Variants in MAP3K4 observed in about 807,000 individuals in gnomAD.
The protein encoded by MAP3K4 is mitogen-activated protein kinase kinase kinase 4.
A neutral mutation model predicts 185.6 loss-of-function variants in MAP3K4; 67 were observed. The ratio of observed to expected loss-of-function variants is 0.36; its 90% CI spans 0.30 to 0.44. The LOEUF (loss-of-function observed/expected upper bound fraction) is 0.44. Among genes scored for constraint, MAP3K4 ranks in the 20% least tolerant of loss-of-function variants. The pLI, the probability that MAP3K4 is intolerant of heterozygous loss-of-function variation, is 1.00. For missense variants in MAP3K4, 1,551 were observed against 1,995.1 expected (o/e 0.78, Z 4.24); for synonymous variants, 702 against 710.4 (o/e 0.99, Z 0.19).
At chr6:161,078,763 G>C (rs535146369) in intron 5 of MAP3K4, among the ~76,000 whole-genome samples, 1 of 152,190 alleles carries the variant, frequency 6.6e-6, no homozygotes, top group Non-Finnish European at 1.5e-5. Context: ...GGCCGAGCCC[G>C]AGATGGAGGA....
chr6:161,079,299 C>T lies in MAP3K4; in HGVS notation c.2098-1582C>T, dbSNP rs116471562. 7.8e-3 allele frequency among the ~76,000 whole-genome samples: 1,174 copies of T among 150,786 alleles called. 14 individuals carry two copies. The highest frequency in any genetic ancestry group is 0.027 in the African/African-American group (1,096 of 41,040). On this transcript the variant is annotated intron_variant, in intron 5 of 26. Coordinates refer to ENST00000392142, the MANE Select transcript of MAP3K4 (RefSeq NM_005922.4). ...GTGCATAGAAAGACAGAGAGTTGGC[C>T]GGACGCAGTGGTTCACGCCTGTAAT...
Position 161,037,579 on chromosome 6 carries a change from C to T in MAP3K4, c.343+3130C>T, listed in dbSNP as rs137867175. ...GACTACAGGCATGCGCCACCATGCC[C>T]GACTAATTTTGTATTTTTGGTAGAG... On this transcript the variant is annotated intron_variant, in intron 2 of 26. Coordinates refer to ENST00000392142, the MANE Select transcript of MAP3K4 (RefSeq NM_005922.4). The surrounding 1 kb of genome is among the most constrained non-coding windows in gnomAD (Gnocchi z 4.2). Among the ~76,000 whole-genome samples the T allele has an allele frequency of 0.034, 5,211 of 152,100 alleles. 298 individuals are homozygous for T. Among genetic ancestry groups the T allele is most frequent in the African/African-American group, 0.12 (4,948 of 41,476 alleles).
intron 1 of MAP3K4, among the ~76,000 whole-genome samples, chr6:161,016,034 A>C (rs1033002967): frequency 2.0e-5 from 3 of 152,182 alleles, no homozygotes; most frequent in African/African-American, 7.2e-5. Flanking sequence ...ATTTCTCCAT[A>C]TCTTTGTCAA....
At chr6:161,001,501 G>A (rs1781321859) in intron 1 of MAP3K4, among the ~76,000 whole-genome samples, 1 of 152,070 alleles carries the variant, frequency 6.6e-6, no homozygotes, top group Non-Finnish European at 1.5e-5. Flanking sequence ...AGCCCCTGCA[G>A]TTTGCCACCA....
intron 18 of MAP3K4, 76 bp from the exon 19 acceptor site, chr6:161,102,623 C>G: frequency 1.0e-6 from 1 of 987,938 alleles, no homozygotes; most frequent in Non-Finnish European, 1.5e-6. Flanking sequence ...TTAACCATTA[C>G]CTTTCCTTTC....
chr6:161,065,620 T>C (rs1191204107), intron 3 of MAP3K4, among the ~76,000 whole-genome samples: 2 of 152,244 alleles, frequency 1.3e-5, no homozygotes, highest in African/African-American at 4.8e-5. Flanking sequence ...AGAAGTGTTT[T>C]AGACTTCAGC....
rs1238403957 is a variant in MAP3K4 at position 161,103,515 on chromosome 6, G to A, written c.3856+736G>A. On this transcript the variant is annotated intron_variant, in intron 19 of 26. Coordinates refer to ENST00000392142, the MANE Select transcript of MAP3K4 (RefSeq NM_005922.4). This position sits in a 1 kb window ranked among gnomAD's most constrained non-coding sequence, Gnocchi z 4.6. ...GCAAGCCAGGAGGCAAGGAATAGAA[G>A]GAAGTGTGCACCCAGAGGCCTCGTG... Among the ~76,000 whole-genome samples, 1 of 152,228 alleles carries A rather than the reference G, an allele frequency of 6.6e-6. No individual in the cohort carries two copies. Among genetic ancestry groups the A allele is most frequent in the Admixed American group, 6.5e-5 (1 of 15,284 alleles).
intron 1 of MAP3K4, among the ~76,000 whole-genome samples, chr6:161,000,738 CAT>C (rs1007089001): frequency 2.2e-4 from 34 of 151,734 alleles, no homozygotes; most frequent in Admixed American, 1.4e-3. Flanking sequence ...CATACACACA[CAT>C]ATATGTGTAC....
In MAP3K4 at chr6:161,080,797, C is replaced by T. The variant is rs1316543206; in HGVS notation, c.2098-84C>T. 3 of 1,298,846 alleles carry T rather than the reference C, an allele frequency of 2.3e-6. No individual in the cohort carries two copies. The highest frequency in any genetic ancestry group is 3.3e-6 in the Non-Finnish European group (3 of 918,550). The allele number at this position is 1,298,846 out of a possible 1,614,324, so 80.5% of individuals were successfully genotyped here. ...GCCCCCGGCCCGCCCCCACTTTACC[C>T]TGCTGATGTGTAGCTTTCAGGTGAG... On this transcript the variant is annotated intron_variant, in intron 5 of 26. Transcript: ENST00000392142. This position sits in a 1 kb window ranked among gnomAD's most constrained non-coding sequence, Gnocchi z 4.8.
chr6:161,057,682 G>C (rs1206077944), intron 3 of MAP3K4, among the ~76,000 whole-genome samples: 1 of 152,200 alleles, frequency 6.6e-6, no homozygotes, highest in Non-Finnish European at 1.5e-5. Context: ...AGGCTCCAGT[G>C]CTCTTCCGCC....
In MAP3K4 at chr6:161,051,722, G is replaced by A. The variant is rs988312500; in HGVS notation, c.1707+1743G>A. Among the ~76,000 whole-genome samples the A allele has an allele frequency of 8.5e-5, 13 of 152,106 alleles. No individual in the cohort carries two copies. The highest frequency in any genetic ancestry group is 1.3e-4 in the Admixed American group (2 of 15,276). ...ATGCTCCAGTCCCTCATATAAAATG[G>A]TGTAGTATTTACATACAACCTATGT... is the stretch of plus-strand genomic sequence containing the variant. On this transcript the variant is annotated intron_variant, in intron 3 of 26. Transcript: ENST00000392142. This position sits in a 1 kb window ranked among gnomAD's most constrained non-coding sequence, Gnocchi z 4.2.
rs1387483247 is a variant in MAP3K4 at position 161,037,091 on chromosome 6, T to C, written c.343+2642T>C. On this transcript the variant is annotated intron_variant, in intron 2 of 26. Transcript: ENST00000392142. This position sits in a 1 kb window ranked among gnomAD's most constrained non-coding sequence, Gnocchi z 4.2. ...GTATGCCAGCTGGTGAACTATTTCT[T>C]GCGGACATTCTTGTTTATGAATACC... Among the ~76,000 whole-genome samples the C allele has an allele frequency of 6.6e-6, 1 of 152,204 alleles. No individual in the cohort carries two copies. The highest frequency in any genetic ancestry group is 1.5e-5 in the Non-Finnish European group (1 of 68,036).
intron 5 of MAP3K4, among the ~76,000 whole-genome samples, chr6:161,079,099 A>C (rs1175700444): frequency 6.6e-6 from 1 of 151,544 alleles, no homozygotes; most frequent in Non-Finnish European, 1.5e-5. Flanking sequence ...ATGTAGTCCC[A>C]GCTACTTAGG....
At chr6:161,092,839 CT>C (rs1330949776) in intron 13 of MAP3K4, 138 bp from the exon 14 acceptor site, 1 of 499,564 alleles carries the variant, frequency 2.0e-6, no homozygotes, top group East Asian at 3.3e-5. Context: ...ACGCTGTAAA[CT>C]TACTGAACCC....
intron 2 of MAP3K4, among the ~76,000 whole-genome samples, chr6:161,036,800 T>C (rs766421185): frequency 2.1e-4 from 32 of 152,176 alleles, no homozygotes; most frequent in South Asian, 6.2e-4. Flanking sequence ...TGCTCCAGAG[T>C]CTGAGGCCTT....
Position 161,049,506 on chromosome 6 carries a change from A to G in MAP3K4, c.1234A>G (p.Thr412Ala). ...DLNQKLRIMGTVLGIKNLSDI... is the reference protein window; with the variant it reads ...DLNQKLRIMGAVLGIKNLSDI... ...AAATCAGAAATTAAGGATTATGGGC[A>G]CTGTTTTGGGCATCAAGAATTTATC... Residue 412 changes from threonine to alanine, a missense_variant, in exon 3 of 27, where the codon ACT becomes GCT. Thr to Ala is a moderately conservative substitution (Grantham distance 58). This residue lies in a region of MAP3K4 where 24 missense variants were observed against 48.5 expected (regional missense o/e 0.49). Coordinates refer to ENST00000392142, the MANE Select transcript of MAP3K4 (RefSeq NM_005922.4). This position sits in a 1 kb window ranked among gnomAD's most constrained non-coding sequence, Gnocchi z 8.4. 1 of 1,614,190 alleles carries G rather than the reference A, an allele frequency of 6.2e-7. No homozygotes were observed. The highest frequency in any genetic ancestry group is 1.1e-5 in the South Asian group (1 of 91,082).
chr6:161,091,599 A>G lies in MAP3K4; in HGVS notation c.3135+59A>G, dbSNP rs959124837. ...TTAGTAATTGCTTGATAACTTACAG[A>G]AAGTTTTTGGAACCTTTTACAGTAA... On this transcript the variant is annotated intron_variant, in intron 12 of 26. Coordinates refer to ENST00000392142, the MANE Select transcript of MAP3K4 (RefSeq NM_005922.4). The surrounding 1 kb of genome is among the most constrained non-coding windows in gnomAD (Gnocchi z 5.5). 3.3e-6 allele frequency: 5 copies of G among 1,506,306 alleles called. No homozygotes were observed. The highest frequency in any genetic ancestry group is 4.0e-5 in the Admixed American group (2 of 49,928). The allele number at this position is 1,506,306 out of a possible 1,614,324, so 93.3% of individuals were successfully genotyped here. A position where few individuals can be genotyped will look rare whatever the true frequency, so the allele number is the denominator to read the frequency against.
Position 161,073,582 on chromosome 6 carries a change from T to C in MAP3K4, c.2067T>C (p.Ala689=). 1 of 1,613,992 alleles carries C rather than the reference T, an allele frequency of 6.2e-7. No homozygotes were observed. The highest frequency in any genetic ancestry group is 8.5e-7 in the Non-Finnish European group (1 of 1,179,934). The part of the protein sequence containing the change: ...DLEKPDCNID[A]FEEDLHKMLM... ...AGAAGCCCGACTGCAACATTGACGC[T>C]TTTGAAGAGGATCTACATAAAATGC... The change falls in exon 5 of 27, where the codon GCT becomes GCC. Residue 689 remains alanine, a synonymous_variant. Transcript: ENST00000392142. The surrounding 1 kb of genome is among the most constrained non-coding windows in gnomAD (Gnocchi z 4.2).
intron 1 of MAP3K4, among the ~76,000 whole-genome samples, chr6:161,013,302 T>C (rs1432534635): frequency 6.6e-6 from 1 of 152,214 alleles, no homozygotes; most frequent in African/African-American, 2.4e-5. Flanking sequence ...TTTTGTTTGC[T>C]CGTTTTCTTG....
Sources: gnomAD v4.1 joint callset for allele counts (sites outside exome capture counted in the v4.1 genomes callset) on GRCh38, gnomAD v4.1.1 for gene constraint, gnomAD v4.1.1 regional missense constraint, Gnocchi (gnomAD v3.1) non-coding constraint, MANE v1.5 for transcripts, NCBI Gene and HGNC (gene_info 2026-07-23, HGNC 2026-07-21) for gene names.